SHANK1: variants seen among roughly 807,000 people sequenced by gnomAD.
SHANK1 encodes the protein SH3 and multiple ankyrin repeat domains 1, also known as SH3 and multiple ankyrin repeat domains protein 1.
A neutral mutation model predicts 165.6 loss-of-function variants in SHANK1; 35 were observed. The ratio of observed to expected loss-of-function variants is 0.21; its 90% CI spans 0.16 to 0.28. SHANK1 has a LOEUF of 0.28. Among genes scored for constraint, SHANK1 ranks in the 10% least tolerant of loss-of-function variants. The probability of loss-of-function intolerance (pLI) is 1.00; values close to 1 mark genes in which losing one functional copy is unlikely to be tolerated. For synonymous variants in SHANK1, 1,428 were observed against 1,384.8 expected (o/e 1.03, Z -0.69); for missense variants, 2,681 against 3,036.4 (o/e 0.88, Z 2.75).
intron 21 of SHANK1, among the ~76,000 whole-genome samples, chr19:50,676,127 G>C (rs2123104781): frequency 6.9e-6 from 1 of 145,930 alleles, no homozygotes; most frequent in Non-Finnish European, 1.5e-5. Flanking sequence ...GCAAGACCCT[G>C]TCTCACCCCC....
chr19:50,666,684 C>T lies in SHANK1; in HGVS notation c.5276G>A (p.Gly1759Asp). ...PQLMTPSKLR[G>D]RALGASGGLR... ...GCCTCCGCTGGCTCCTAGCGCCCGGCCCCGGAGCTTAGAGGGAGTCATGAG... is the reference window on the plus strand; with the variant it reads ...GCCTCCGCTGGCTCCTAGCGCCCGGTCCCGGAGCTTAGAGGGAGTCATGAG... Residue 1759 changes from glycine (G) to aspartate (D), a missense_variant, in exon 23 of 24, where the codon GGC (glycine) becomes GAC (aspartate). Transcript: ENST00000293441. 1 of 1,585,174 alleles carries T rather than the reference C, an allele frequency of 6.3e-7. No individual in the cohort carries two copies. Among genetic ancestry groups the T allele is most frequent in the Non-Finnish European group, 8.6e-7 (1 of 1,168,400 alleles).
intron 23 of SHANK1, among the ~76,000 whole-genome samples, chr19:50,665,737 T>TAAAAAAAAAAAAAAA (rs71182756): frequency 0.047 from 4,595 of 97,346 alleles, 291 homozygotes; most frequent in Non-Finnish European, 0.061. Context: ...ACCCTGTTTC[T>TAAAAAAAAAAAAAAA]AAAAAAAAAA....
Position 50,703,736 on chromosome 19 carries a change from A to G in SHANK1, c.1317T>C (p.Ser439=), listed in dbSNP as rs2123177393. ...TVPPALLRAN[S]DTSMALPDWM... ...AGTCGGGCAGCGCCATGCTGGTGTC[A>G]CTGTTGGCCCGCAGCAGCGCCGGGG... is the stretch of plus-strand genomic sequence containing the variant. The change falls in exon 11 of 24, where the codon AGT becomes AGC. Residue 439 remains serine (S), a synonymous_variant. Coordinates refer to ENST00000293441, the MANE Select transcript of SHANK1 (RefSeq NM_016148.5). The G allele has an allele frequency of 6.9e-7, 1 of 1,441,434 alleles. No homozygotes were observed. Among genetic ancestry groups the G allele is most frequent in the Non-Finnish European group, 9.1e-7 (1 of 1,101,190 alleles). The allele number at this position is 1,441,434 out of a possible 1,614,324, so 89.3% of individuals were successfully genotyped here.
At chr19:50,714,123 C>G (rs562431757) in intron 5 of SHANK1, 59 bp downstream of exon 5, 2 of 1,559,032 alleles carry the variant, frequency 1.3e-6, no homozygotes, top group African/African-American at 1.4e-5. Flanking sequence ...GCAGATGGCA[C>G]CCCTGCTCCC....
chr19:50,696,872 G>C (rs965847617), intron 15 of SHANK1, among the ~76,000 whole-genome samples: 1 of 152,054 alleles, frequency 6.6e-6, no homozygotes, highest in Non-Finnish European at 1.5e-5. Flanking sequence ...TAGCCACAAA[G>C]GCACCAGTAT....
At position 50,665,196 on chromosome 19, in the gene SHANK1, C is replaced by T. The variant is rs530014912; in HGVS notation, c.5768+996G>A. Reference sequence around the variant, plus strand: ...GTAATCACACTTTGGGAGGTCAAGGCAGGAGGATCACTTAAGCCCAGGAGT... The same window carrying T: ...GTAATCACACTTTGGGAGGTCAAGGTAGGAGGATCACTTAAGCCCAGGAGT... On this transcript the variant is annotated intron_variant, in intron 23 of 23. Coordinates refer to ENST00000293441, the MANE Select transcript of SHANK1 (RefSeq NM_016148.5). Among the ~76,000 whole-genome samples the T allele has an allele frequency of 1.2e-4, 19 of 152,286 alleles. 1 individual carries two copies. In the South Asian group the frequency reaches 3.9e-3, roughly 32 times the overall value.
At chr19:50,692,082 A>C (rs1335465523) in intron 15 of SHANK1, among the ~76,000 whole-genome samples, 1 of 152,024 alleles carries the variant, frequency 6.6e-6, no homozygotes, top group African/African-American at 2.4e-5. Context: ...AATACCCAAG[A>C]GAATACTCGG....
intron 12 of SHANK1, among the ~76,000 whole-genome samples, chr19:50,699,358 A>C (rs904229242): frequency 6.6e-6 from 1 of 152,384 alleles, no homozygotes; most frequent in South Asian, 2.1e-4. Flanking sequence ...CAATAGAGGC[A>C]TAACTATACA....
At position 50,686,203 on chromosome 19, in the gene SHANK1, C is replaced by G. The variant is rs775243990; in HGVS notation, c.2577+34G>C. 2.5e-5 allele frequency: 32 copies of G among 1,304,186 alleles called. No individual in the cohort carries two copies. In the East Asian group the frequency reaches 2.9e-4, roughly 12 times the overall value. 80.8% of individuals were successfully genotyped at this position (1,304,186 alleles called of 1,614,324 possible). A position where few individuals can be genotyped will look rare whatever the true frequency, so the allele number is the denominator to read the frequency against. ...CAGGTTGGTGTGTGAACCGCCTCCCCCCTGGCAGTTCCTCCCCACACCAGG... is the reference window on the plus strand; with the variant it reads ...CAGGTTGGTGTGTGAACCGCCTCCCGCCTGGCAGTTCCTCCCCACACCAGG... On this transcript the variant is annotated intron_variant, in intron 21 of 23. Coordinates refer to ENST00000293441, the MANE Select transcript of SHANK1 (RefSeq NM_016148.5). The surrounding 1 kb of genome is among the most constrained non-coding windows in gnomAD (Gnocchi z 5.7).
In SHANK1 at chr19:50,694,017, CACCA is replaced by C. The variant is rs1297500007; in HGVS notation, c.1964+3075_1964+3078del. On this transcript the variant is annotated intron_variant, in intron 15 of 23. Coordinates refer to ENST00000293441, the MANE Select transcript of SHANK1 (RefSeq NM_016148.5). ...CCTGGGACAGACCCACTCCAGCACACACCACACACACACACACACACACACACAC... is the reference window on the plus strand; with the variant it reads ...CCTGGGACAGACCCACTCCAGCACACCACACACACACACACACACACACAC... Among the ~76,000 whole-genome samples, 7 of 127,492 alleles carry C rather than the reference CACCA, an allele frequency of 5.5e-5. No homozygotes were observed. In the East Asian group the frequency reaches 1.3e-3, roughly 24 times the overall value. 83.6% of individuals were successfully genotyped at this position (127,492 alleles called of 152,430 possible).
intron 22 of SHANK1, among the ~76,000 whole-genome samples, chr19:50,671,716 A>G (rs1373028551): frequency 6.6e-6 from 1 of 152,040 alleles, no homozygotes; most frequent in Non-Finnish European, 1.5e-5. Flanking sequence ...GGAATCGGGT[A>G]TAAGAGAAAC....
At chr19:50,696,770 A>G (rs192453347) in intron 15 of SHANK1, among the ~76,000 whole-genome samples, 1 of 152,190 alleles carries the variant, frequency 6.6e-6, no homozygotes, top group East Asian at 1.9e-4. Flanking sequence ...CCACCTGTCC[A>G]TGTGTGTGAG....
chr19:50,687,753 A>C, intron 18 of SHANK1, 91 bp from the exon 19 acceptor site: 1 of 1,345,724 alleles, frequency 7.4e-7, no homozygotes, highest in Non-Finnish European at 1.0e-6. Flanking sequence ...CTCAGAGAAT[A>C]GCCATTGCCA....
chr19:50,662,828 T>C lies in SHANK1; in HGVS notation c.5769-146A>G. The stretch of plus-strand genomic sequence containing the variant: ...GAGACGGAGGAGAGACGGGAAGAAA[T>C]GGAGGGAGCAAGGGGTAAGACGGCC... On this transcript the variant is annotated intron_variant, in intron 23 of 23. Coordinates refer to ENST00000293441, the MANE Select transcript of SHANK1 (RefSeq NM_016148.5). The surrounding 1 kb of genome is among the most constrained non-coding windows in gnomAD (Gnocchi z 7.7). 1 of 825,856 alleles carries C rather than the reference T, an allele frequency of 1.2e-6. No individual in the cohort carries two copies. Among genetic ancestry groups the C allele is most frequent in the Non-Finnish European group, 1.9e-6 (1 of 529,270 alleles). The allele number at this position is 825,856 out of a possible 1,614,324, so 51.2% of individuals were successfully genotyped here. A position where few individuals can be genotyped will look rare whatever the true frequency, so the allele number is the denominator to read the frequency against.
chr19:50,694,332 T>G (rs1363924004), intron 15 of SHANK1, among the ~76,000 whole-genome samples: 2 of 140,650 alleles, frequency 1.4e-5, no homozygotes, highest in African/African-American at 2.7e-5. Context: ...GATGCGTGTG[T>G]GATGGAGGGG....
chr19:50,678,560 G>A (rs1986053219), intron 21 of SHANK1, among the ~76,000 whole-genome samples: 1 of 150,550 alleles, frequency 6.6e-6, no homozygotes, highest in Non-Finnish European at 1.5e-5. Context: ...AGGGTGATGG[G>A]GGAGAGGTCA....
chr19:50,687,450 G>A (rs1030925317), intron 19 of SHANK1, 132 bp downstream of exon 19: 11 of 666,922 alleles, frequency 1.6e-5, no homozygotes, highest in Admixed American at 3.2e-5. Context: ...GCCAGAGTCC[G>A]ACCCATGGAC....
In SHANK1 at chr19:50,667,534, G is replaced by A. The variant is rs1222138531; in HGVS notation, c.4426C>T (p.Pro1476Ser). ...PPAPHPGVSK[P>S]WRSAAPEEPE... ...TCTTCGGGGGCTGCGGACCTCCAGGGCTTGCTTACTCCGGGGTGCGGGGCC... is the reference window on the plus strand; with the variant it reads ...TCTTCGGGGGCTGCGGACCTCCAGGACTTGCTTACTCCGGGGTGCGGGGCC... Residue 1476 changes from proline (P) to serine (S), a missense_variant, in exon 23 of 24, where the codon CCC becomes TCC. Transcript: ENST00000293441. The surrounding 1 kb of genome is among the most constrained non-coding windows in gnomAD (Gnocchi z 5.7). 1.3e-6 allele frequency: 2 copies of A among 1,495,468 alleles called. No individual in the cohort carries two copies. The highest frequency in any genetic ancestry group is 1.8e-6 in the Non-Finnish European group (2 of 1,137,856). 92.6% of individuals were successfully genotyped at this position (1,495,468 alleles called of 1,614,324 possible). A position where few individuals can be genotyped will look rare whatever the true frequency, so the allele number is the denominator to read the frequency against.
chr19:50,714,794 T>C (rs993807234), intron 4 of SHANK1, among the ~76,000 whole-genome samples: 15 of 152,194 alleles, frequency 9.9e-5, no homozygotes, highest in Admixed American at 8.5e-4. Context: ...GCTACAATGT[T>C]ACTGTTTCAA....
Sources: allele counts gnomAD v4.1 joint callset (sites outside exome capture counted in the v4.1 genomes callset), GRCh38; gene constraint gnomAD v4.1.1; non-coding constraint Gnocchi (gnomAD v3.1); transcripts MANE v1.5; gene names NCBI Gene and HGNC (gene_info 2026-07-23, HGNC 2026-07-21).